The following RFX1 variants were observed in gnomAD, a reference collection of about 807,000 sequenced individuals.
RFX1 encodes the protein MHC class II regulatory factor RFX1.
Under a neutral mutation model 119.6 loss-of-function variants are expected in RFX1, and 42 were observed. The ratio of observed to expected loss-of-function variants is 0.35; its 90% CI spans 0.27 to 0.45. The LOEUF is 0.45. Among genes scored for constraint, RFX1 ranks in the 20% least tolerant of loss-of-function variants. RFX1 has a pLI of 1.00. For missense variants in RFX1, 1,118 were observed against 1,368.1 expected, an observed-to-expected ratio of 0.82 and a Z score of 2.88; for synonymous variants, 628 against 618.5, an observed-to-expected ratio of 1.02 and a Z score of -0.23.
chr19:13,972,168 CAAAAA>C (rs1230847191), intron 9 of RFX1, among the ~76,000 whole-genome samples: 1 of 51,104 alleles, frequency 2.0e-5, no homozygotes. Context: ...AACCCTGTCT[CAAAAA>C]AAAAAAAAAA....
In RFX1 at chr19:13,965,349, TG is replaced by T; in HGVS notation, c.2211+99del. 9.6e-7 allele frequency: 1 copy of T among 1,041,136 alleles called. No homozygotes were observed. The highest frequency in any genetic ancestry group is 1.5e-6 in the Non-Finnish European group (1 of 686,346). The allele number at this position is 1,041,136 out of a possible 1,614,324, so 64.5% of individuals were successfully genotyped here. A position where few individuals can be genotyped will look rare whatever the true frequency, so the allele number is the denominator to read the frequency against. On this transcript the variant is annotated intron_variant, in intron 16 of 20. Coordinates refer to ENST00000254325, the MANE Select transcript of RFX1 (RefSeq NM_002918.5). This position sits in a 1 kb window ranked among gnomAD's most constrained non-coding sequence, Gnocchi z 4.7. ...CCCCTTCCTCCACAGGCATCATCCC[TG>T]GAACAGGCGTGGGGACAAATTTTAC... is the stretch of plus-strand genomic sequence containing the variant.
chr19:13,979,873 T>C (rs989166487), intron 6 of RFX1, among the ~76,000 whole-genome samples: 11 of 152,128 alleles, frequency 7.2e-5, no homozygotes, highest in Admixed American at 2.0e-4. Flanking sequence ...CTGTGTGCCC[T>C]GTTCTGTGCT....
chr19:13,982,659 C>T (rs1974464775), intron 4 of RFX1, among the ~76,000 whole-genome samples: 2 of 152,148 alleles, frequency 1.3e-5, no homozygotes, highest in South Asian at 4.1e-4. Flanking sequence ...CAAAAATTAG[C>T]CAGGTGTGGT....
rs1011368608 is a variant in RFX1 at position 13,990,323 on chromosome 19, G to A, written c.319+3202C>T. On this transcript the variant is annotated intron_variant, in intron 2 of 20. Transcript: ENST00000254325. The surrounding 1 kb of genome is among the most constrained non-coding windows in gnomAD (Gnocchi z 4.1). ...GTGTGGGCTCCTGGAGGCCTCACAA[G>A]AGGGGATCTTTGGGAAAAAGGGGGC... Among the ~76,000 whole-genome samples, 1 of 152,140 alleles carries A rather than the reference G, an allele frequency of 6.6e-6. No homozygotes were observed. Among genetic ancestry groups the A allele is most frequent in the African/African-American group, 2.4e-5 (1 of 41,430 alleles).
Position 13,963,616 on chromosome 19 carries a change from T to C in RFX1, c.2492A>G (p.Gln831Arg), listed in dbSNP as rs753529527. The C allele has an allele frequency of 1.9e-6, 3 of 1,603,084 alleles. No individual in the cohort carries two copies. Among genetic ancestry groups the C allele is most frequent in the Non-Finnish European group, 2.5e-6 (3 of 1,178,424 alleles). The stretch of plus-strand genomic sequence containing the variant: ...GCTGCCCTGGTAGGGCTTGAGCACC[T>C]GGCTCACCACGCCGTCCAGCCAGGC... ...WAAWLDGVVSQVLKPYQGSAG... is the reference protein window; with the variant it reads ...WAAWLDGVVSRVLKPYQGSAG... Residue 831 changes from glutamine to arginine, a missense_variant, in exon 18 of 21, where the codon CAG (glutamine) becomes CGG (arginine). Physicochemically the swap from Gln to Arg is conservative, Grantham distance 43 (BLOSUM62 1). Transcript: ENST00000254325.
intron 2 of RFX1, among the ~76,000 whole-genome samples, chr19:13,987,411 G>C (rs1044498036): frequency 6.6e-6 from 1 of 152,088 alleles, no homozygotes; most frequent in Non-Finnish European, 1.5e-5. Context: ...CCAGCCCCAG[G>C]CTCCAAGTCT....
chr19:13,987,358 C>A (rs1482142114), intron 2 of RFX1, among the ~76,000 whole-genome samples: 1 of 152,168 alleles, frequency 6.6e-6, no homozygotes, highest in Admixed American at 6.5e-5. Context: ...CAGGCAGGGA[C>A]CGGGGCTGGG....
In RFX1 at chr19:13,988,275, C is replaced by T. The variant is rs570027724; in HGVS notation, c.320-4680G>A. Among the ~76,000 whole-genome samples, 3 of 152,272 alleles carry T rather than the reference C, an allele frequency of 2.0e-5. 1 individual carries two copies. The South Asian group carries it at 6.2e-4, about 32-fold the overall frequency. ...CTCCTGACCTCAGGTGATCCGCCTG[C>T]CTCAGCCTCCCAAAGTGCGGGGACT... On this transcript the variant is annotated intron_variant, in intron 2 of 20. Transcript: ENST00000254325.
chr19:13,981,448 T>G (rs1315038694), intron 5 of RFX1, among the ~76,000 whole-genome samples: 1 of 152,010 alleles, frequency 6.6e-6, no homozygotes, highest in Non-Finnish European at 1.5e-5. Context: ...ATACAAAAAT[T>G]AGCAGGGCGT....
chr19:13,966,745 G>A lies in RFX1; in HGVS notation c.1739C>T (p.Ser580Phe), dbSNP rs1973915792. ...VQQYQQFLDA[S>F]RSLPDFTELD... is the part of the protein sequence containing the mutation. ...CTCTGTGAAGTCAGGGAGGCTCCGAGAGGCATCTAGGGGGCCGGGGGGAAC... is the reference window on the plus strand; with the variant it reads ...CTCTGTGAAGTCAGGGAGGCTCCGAAAGGCATCTAGGGGGCCGGGGGGAAC... Residue 580 changes from serine (S) to phenylalanine (F), a missense_variant, in exon 13 of 21, where the codon TCT (serine) becomes TTT (phenylalanine). Coordinates refer to ENST00000254325, the MANE Select transcript of RFX1 (RefSeq NM_002918.5). The surrounding 1 kb of genome is among the most constrained non-coding windows in gnomAD (Gnocchi z 6.3). 1.2e-6 allele frequency: 2 copies of A among 1,606,378 alleles called. No individual in the cohort carries two copies. The highest frequency in any genetic ancestry group is 8.5e-7 in the Non-Finnish European group (1 of 1,176,592).
At chr19:13,978,927 G>T (rs922909869) in intron 7 of RFX1, among the ~76,000 whole-genome samples, 13 of 151,928 alleles carry the variant, frequency 8.6e-5, no homozygotes, top group Non-Finnish European at 1.3e-4. Context: ...ACTGCTCGGC[G>T]CCCGGCTCGT....
chr19:13,977,895 C>T, intron 8 of RFX1, 97 bp downstream of exon 8: 4 of 943,512 alleles, frequency 4.2e-6, no homozygotes, highest in Admixed American at 2.2e-5. Flanking sequence ...GGCCGGATGG[C>T]CTGCTGGGGG....
In RFX1 at chr19:13,972,977, C is replaced by G; in HGVS notation, c.1080G>C (p.Val360=). ...AGCTGGCGACGACCTGGCTGCCGGA[C>G]ACGTACATGGGCATGGAGCCACTGC... ...VASSGSMPMY[V]SGSQVVASST... is the part of the protein sequence containing the mutation. Residue 360 remains valine (V), a synonymous_variant, in exon 9 of 21, where the codon GTG becomes GTC. Transcript: ENST00000254325. The G allele has an allele frequency of 3.1e-6, 5 of 1,600,116 alleles. No individual in the cohort carries two copies. The highest frequency in any genetic ancestry group is 4.2e-6 in the Non-Finnish European group (5 of 1,179,614).
chr19:13,965,369 AT>A lies in RFX1; in HGVS notation c.2211+79del. The A allele has an allele frequency of 2.2e-6, 3 of 1,342,888 alleles. No homozygotes were observed. The highest frequency in any genetic ancestry group is 2.1e-6 in the Non-Finnish European group (2 of 951,646). The allele number at this position is 1,342,888 out of a possible 1,614,324, so 83.2% of individuals were successfully genotyped here. A position where few individuals can be genotyped will look rare whatever the true frequency, so the allele number is the denominator to read the frequency against. On this transcript the variant is annotated intron_variant, in intron 16 of 20. Coordinates refer to ENST00000254325, the MANE Select transcript of RFX1 (RefSeq NM_002918.5). This position sits in a 1 kb window ranked among gnomAD's most constrained non-coding sequence, Gnocchi z 4.7. ...ATCCCTGGAACAGGCGTGGGGACAA[AT>A]TTTACCGCCCCTGGGGAGCAGAGGA...
chr19:13,999,271 G>T (rs1975134145), intron 1 of RFX1, among the ~76,000 whole-genome samples: 1 of 152,192 alleles, frequency 6.6e-6, no homozygotes, highest in African/African-American at 2.4e-5. Flanking sequence ...CCTTGGCAAT[G>T]AATCTGCCAA....
intron 8 of RFX1, among the ~76,000 whole-genome samples, chr19:13,977,461 G>A (rs1974284227): frequency 6.6e-6 from 1 of 151,366 alleles, no homozygotes; most frequent in Non-Finnish European, 1.5e-5. Flanking sequence ...CTATTGCCCA[G>A]GCTAGAGTAC....
rs1044123914 is a variant in RFX1 at position 13,966,286 on chromosome 19, T to A, written c.1961+135A>T. On this transcript the variant is annotated intron_variant, in intron 14 of 20. Coordinates refer to ENST00000254325, the MANE Select transcript of RFX1 (RefSeq NM_002918.5). This position sits in a 1 kb window ranked among gnomAD's most constrained non-coding sequence, Gnocchi z 6.3. Reference sequence around the variant, plus strand: ...TTGAGTGTCGGGTGGCTATACACACTCCACACAGCCAAGGATATGTGTACC... The same window carrying A: ...TTGAGTGTCGGGTGGCTATACACACACCACACAGCCAAGGATATGTGTACC... 8 of 613,628 alleles carry A rather than the reference T, an allele frequency of 1.3e-5. No individual in the cohort carries two copies. Among genetic ancestry groups the A allele is most frequent in the Non-Finnish European group, 1.4e-5 (5 of 344,920 alleles). 38.0% of individuals were successfully genotyped at this position (613,628 alleles called of 1,614,324 possible). A position where few individuals can be genotyped will look rare whatever the true frequency, so the allele number is the denominator to read the frequency against.
chr19:13,978,976 G>A (rs1974344312), intron 7 of RFX1, among the ~76,000 whole-genome samples: 1 of 151,692 alleles, frequency 6.6e-6, no homozygotes, highest in East Asian at 1.9e-4. Flanking sequence ...TAGCTGCGGG[G>A]CCTCGCCGCT....
At position 13,970,116 on chromosome 19, in the gene RFX1, G is replaced by A. The variant is rs1357152563; in HGVS notation, c.1374C>T (p.Thr458=). ...TAEGVSLPRS[T]LYCHYLLHCQ... ...AGTGCAGTAAGTAGTGGCAGTAGAG[G>A]GTGCTCCGTGGCAGACTCACGCCCT... Residue 458 remains threonine (T), a synonymous_variant, in exon 10 of 21, where the codon ACC becomes ACT. Transcript: ENST00000254325. 1 of 1,613,870 alleles carries A rather than the reference G, an allele frequency of 6.2e-7. No individual in the cohort carries two copies. The highest frequency in any genetic ancestry group is 1.3e-5 in the African/African-American group (1 of 74,926).
Sources: gnomAD v4.1 joint callset for allele counts (sites outside exome capture counted in the v4.1 genomes callset) on GRCh38, gnomAD v4.1.1 for gene constraint, Gnocchi (gnomAD v3.1) non-coding constraint, MANE v1.5 for transcripts, NCBI Gene and HGNC (gene_info 2026-07-23, HGNC 2026-07-21) for gene names.